BANP: variants seen among roughly 807,000 people sequenced by gnomAD.
BANP encodes the protein BTG3 associated nuclear protein, also known as protein BANP.
Under a neutral mutation model 68.1 loss-of-function variants are expected in BANP, and 11 were observed. The ratio of observed to expected loss-of-function variants is 0.16; its 90% CI spans 0.10 to 0.27. BANP has a LOEUF of 0.27. Among genes scored for constraint, BANP ranks in the 10% least tolerant of loss-of-function variants. BANP has a pLI of 1.00. For synonymous variants in BANP, 329 were observed against 303.2 expected (o/e 1.09, Z -0.88); for missense variants, 504 against 722.7 (o/e 0.70, Z 3.47).
At chr16:88,016,063 T>C (rs2074481683) in intron 6 of BANP, among the ~76,000 whole-genome samples, 1 of 152,172 alleles carries the variant, frequency 6.6e-6, no homozygotes, top group Non-Finnish European at 1.5e-5. Flanking sequence ...CACAAGCAAA[T>C]CTCTGCCCCT....
chr16:88,014,120 G>A (rs1199811119), intron 6 of BANP, among the ~76,000 whole-genome samples: 3 of 152,214 alleles, frequency 2.0e-5, no homozygotes, highest in Non-Finnish European at 4.4e-5. Context: ...GTCTCCTGCG[G>A]TGCTGAAAAA....
chr16:88,053,864 T>C (rs62652214), intron 11 of BANP, among the ~76,000 whole-genome samples: 8,301 of 59,156 alleles, frequency 0.14, 286 homozygotes, highest in Non-Finnish European at 0.25. Flanking sequence ...CCCACCTCCT[T>C]CACTATCATC....
At chr16:88,039,978 A>G (rs1349768287) in intron 11 of BANP, among the ~76,000 whole-genome samples, 1 of 152,226 alleles carries the variant, frequency 6.6e-6, no homozygotes, top group Non-Finnish European at 1.5e-5. Context: ...TGAAACAAAT[A>G]ATAATTTATA....
At chr16:88,041,936 GGAGACGCAGTAGGAGGGTGA>G (rs944551197) in intron 11 of BANP, among the ~76,000 whole-genome samples, 18 of 152,240 alleles carry the variant, frequency 1.2e-4, no homozygotes, top group East Asian at 3.9e-4. Context: ...TAGGAGGGTG[GGAGACGCAGTAGGAGGGTGA>G]GAGACGCAGT....
chr16:88,029,304 C>CT (rs2077612823), intron 8 of BANP, among the ~76,000 whole-genome samples: 1 of 45,428 alleles, frequency 2.2e-5, no homozygotes, highest in African/African-American at 7.9e-5. Context: ...GAGACTGTAT[C>CT]TCAAAAAAAA....
chr16:87,992,304 GT>G (rs2152500507), intron 4 of BANP, among the ~76,000 whole-genome samples: 1 of 152,276 alleles, frequency 6.6e-6, no homozygotes, highest in South Asian at 2.1e-4. Flanking sequence ...CAACATGTTA[GT>G]CTGCAGTTTT....
rs1371510882 is a variant in BANP, at chr16:88,064,093, C to A, written c.1312-1174C>A. On this transcript the variant is annotated intron_variant, in intron 11 of 13. Transcript: ENST00000682872. This position sits in a 1 kb window ranked among gnomAD's most constrained non-coding sequence, Gnocchi z 4.5. ...CTGCCTTGGAACAAGGTGTGGGGGCCAACCACAAGCAGGCACCGGCGCTGG... is the reference window on the plus strand; with the variant it reads ...CTGCCTTGGAACAAGGTGTGGGGGCAAACCACAAGCAGGCACCGGCGCTGG... Among the ~76,000 whole-genome samples, 1 of 151,774 alleles carries A rather than the reference C, an allele frequency of 6.6e-6. No individual in the cohort carries two copies. The highest frequency in any genetic ancestry group is 6.6e-5 in the Admixed American group (1 of 15,222).
intron 1 of BANP, among the ~76,000 whole-genome samples, chr16:87,973,958 T>C (rs1331048321): frequency 6.6e-6 from 1 of 152,088 alleles, no homozygotes; most frequent in Non-Finnish European, 1.5e-5. Flanking sequence ...GTTGAAACCA[T>C]GTGACCTGAA....
intron 11 of BANP, among the ~76,000 whole-genome samples, chr16:88,049,272 T>C (rs1358980611): frequency 6.6e-6 from 1 of 152,176 alleles, no homozygotes; most frequent in Non-Finnish European, 1.5e-5. Flanking sequence ...TGGAGTGGCT[T>C]GCAGAGCTCA....
chr16:88,073,839 T>C (rs1007392484), intron 13 of BANP, among the ~76,000 whole-genome samples: 29 of 152,248 alleles, frequency 1.9e-4, no homozygotes, highest in Non-Finnish European at 3.2e-4. Flanking sequence ...CCATGGTTGG[T>C]GTTTACACCC....
intron 6 of BANP, among the ~76,000 whole-genome samples, chr16:88,013,424 C>G (rs1226421846): frequency 6.0e-5 from 9 of 151,146 alleles, no homozygotes; most frequent in Admixed American, 5.3e-4. Context: ...CCCATCAGAG[C>G]TCAGCCTGCC....
chr16:88,076,246 G>C (rs950382506), intron 13 of BANP, among the ~76,000 whole-genome samples: 3 of 152,186 alleles, frequency 2.0e-5, no homozygotes, highest in Admixed American at 6.5e-5. Flanking sequence ...GGAGGGCCAG[G>C]ATGTTCTCCA....
chr16:87,955,569 G>A (rs1461188228), intron 1 of BANP, among the ~76,000 whole-genome samples: 2 of 152,202 alleles, frequency 1.3e-5, no homozygotes, highest in African/African-American at 4.8e-5. Context: ...TCCTCTTGCT[G>A]TTTCGGGATC....
At chr16:88,033,614 G>A (rs563382640) in intron 9 of BANP, among the ~76,000 whole-genome samples, 106 of 152,322 alleles carry the variant, frequency 7.0e-4, no homozygotes, top group African/African-American at 2.5e-3. Context: ...AGAAGTGCAG[G>A]CGCTCTCTTA....
In BANP at chr16:88,064,771, C is replaced by T. The variant is rs1208753051; in HGVS notation, c.1312-496C>T. On this transcript the variant is annotated intron_variant, in intron 11 of 13. Transcript: ENST00000682872. This position sits in a 1 kb window ranked among gnomAD's most constrained non-coding sequence, Gnocchi z 4.5. ...GCGGTTGGGGGTGCTGCCGCTCTTG[C>T]CCGCAGGGCACTCCTCTGGCTGGGA... Among the ~76,000 whole-genome samples the T allele has an allele frequency of 1.3e-5, 2 of 152,214 alleles. No individual in the cohort carries two copies. The highest frequency in any genetic ancestry group is 6.5e-5 in the Admixed American group (1 of 15,290).
At chr16:87,988,088 T>C (rs1333469346) in intron 4 of BANP, among the ~76,000 whole-genome samples, 2 of 152,120 alleles carry the variant, frequency 1.3e-5, no homozygotes, top group East Asian at 1.9e-4. Flanking sequence ...ATAATCCCAG[T>C]ATGTCAATGA....
chr16:87,979,068 C>T (rs777314572), intron 2 of BANP, among the ~76,000 whole-genome samples: 1 of 152,148 alleles, frequency 6.6e-6, no homozygotes, highest in African/African-American at 2.4e-5. Flanking sequence ...TGCCTAGGAC[C>T]TGTGAGAGGT....
At chr16:87,990,953 G>A (rs1190260511) in intron 4 of BANP, among the ~76,000 whole-genome samples, 4 of 152,068 alleles carry the variant, frequency 2.6e-5, no homozygotes, top group South Asian at 2.1e-4. Flanking sequence ...TAGTAGAGAC[G>A]GGGTTTCACC....
upstream of BANP, chr16:87,949,341 G>A (rs1226025567): frequency 6.6e-6 from 1 of 152,200 alleles, no homozygotes; most frequent in African/African-American, 2.4e-5. Context: ...TTCTTACATG[G>A]GCAAGTATTA....
Sources: allele counts gnomAD v4.1 joint callset (sites outside exome capture counted in the v4.1 genomes callset), GRCh38; gene constraint gnomAD v4.1.1; non-coding constraint Gnocchi (gnomAD v3.1); transcripts MANE v1.5; gene names NCBI Gene and HGNC (gene_info 2026-07-23, HGNC 2026-07-21).